The following LIPI variants were observed in gnomAD, a reference collection of about 807,000 sequenced individuals.
LIPI encodes lipase member I.
In LIPI, 59 loss-of-function variants were observed where a neutral mutation model predicts 50.6. That is an observed-to-expected ratio of 1.16 (90% CI 0.94 to 1.45). LIPI has a LOEUF of 1.45. Among genes scored for constraint, LIPI ranks in the 40% most tolerant of loss-of-function variants. LIPI has a pLI of 0.00. For synonymous variants in LIPI, 203 were observed against 178.2 expected (o/e 1.14, Z -1.11); for missense variants, 586 against 536.3 (o/e 1.09, Z -0.92).
At chr21:14,182,038 GAAT>G (rs2019291077) in intron 3 of LIPI, among the ~76,000 whole-genome samples, 179 bp from the exon 4 acceptor site, 1 of 152,158 alleles carries the variant, frequency 6.6e-6, no homozygotes, top group Admixed American at 6.6e-5. Context: ...TTCAGTATTT[GAAT>G]AATACTACTA....
At chr21:14,114,960 C>A (rs1360962285) in intron 9 of LIPI, among the ~76,000 whole-genome samples, 1 of 152,144 alleles carries the variant, frequency 6.6e-6, no homozygotes, top group Non-Finnish European at 1.5e-5. Flanking sequence ...TAGAAGATGG[C>A]AAAACAACAT....
At chr21:14,167,093 C>T (rs553000128) in intron 4 of LIPI, among the ~76,000 whole-genome samples, 397 of 152,288 alleles carry the variant, frequency 2.6e-3, no homozygotes, top group Middle Eastern at 0.01. Context: ...CCTACGCCCA[C>T]GGAGTCTCAC....
chr21:14,210,818 TCAAA>T lies in LIPI; in HGVS notation c.24_27del (p.Cys8Ter). On this transcript the variant is annotated frameshift_variant, in exon 1 of 10. Transcript: ENST00000681601. LOFTEE classifies it high-confidence loss of function. ...ATCTTACCAGATCTCACCCAGCACA[TCAAA>T]CAAAGAAAAATGTATACTCTCATTT... 8.2e-7 allele frequency: 1 copy of T among 1,225,324 alleles called. No homozygotes were observed. 75.9% of individuals were successfully genotyped at this position (1,225,324 alleles called of 1,614,324 possible).
At chr21:14,157,561 G>A (rs530318265) in intron 7 of LIPI, among the ~76,000 whole-genome samples, 1 of 151,922 alleles carries the variant, frequency 6.6e-6, no homozygotes, top group South Asian at 2.1e-4. Flanking sequence ...TGGACTAAAA[G>A]CAACAGAGTA....
intron 9 of LIPI, among the ~76,000 whole-genome samples, chr21:14,123,495 C>T (rs1387214185): frequency 1.3e-5 from 2 of 152,068 alleles, no homozygotes; most frequent in African/African-American, 2.4e-5. Flanking sequence ...CTCTTGCTCC[C>T]ACCAAAACAA....
intron 3 of LIPI, among the ~76,000 whole-genome samples, chr21:14,182,114 C>A (rs373515522): frequency 2.6e-5 from 4 of 152,196 alleles, no homozygotes; most frequent in East Asian, 3.9e-4. Context: ...GAGTATTTTT[C>A]TGTGAGACTG....
chr21:14,168,790 G>C (rs2018786527), intron 4 of LIPI, among the ~76,000 whole-genome samples: 1 of 152,158 alleles, frequency 6.6e-6, no homozygotes, highest in African/African-American at 2.4e-5. Context: ...ACTGAGGCTA[G>C]GAAGAAACTG....
chr21:14,189,206 C>T lies in LIPI; in HGVS notation c.260G>A (p.Gly87Asp), dbSNP rs1600920153. ...GTTCTGAAGCCATAATGGGATGGAGCCTACTGGTCTGTATCCGTGAATAAG... is the reference window on the plus strand; with the variant it reads ...GTTCTGAAGCCATAATGGGATGGAGTCTACTGGTCTGTATCCGTGAATAAG... ...VWLIHGYRPVGSIPLWLQNFV... is the reference protein window; with the variant it reads ...VWLIHGYRPVDSIPLWLQNFV... Residue 87 changes from glycine (G) to aspartate (D), a missense_variant, in exon 2 of 10, where the codon GGC becomes GAC. By Grantham distance (94) the Gly-to-Asp change is moderately conservative. Transcript: ENST00000681601. 1.2e-6 allele frequency: 2 copies of T among 1,613,856 alleles called. No individual in the cohort carries two copies. Among genetic ancestry groups the T allele is most frequent in the Admixed American group, 1.7e-5 (1 of 59,994 alleles).
intron 9 of LIPI, among the ~76,000 whole-genome samples, chr21:14,119,250 C>G (rs867173599): frequency 3.9e-5 from 6 of 152,178 alleles, no homozygotes. Flanking sequence ...ACCCATGTAT[C>G]TTACTGCCAT....
chr21:14,179,883 G>C (rs75440713), intron 4 of LIPI, among the ~76,000 whole-genome samples: 3 of 152,124 alleles, frequency 2.0e-5, no homozygotes, highest in African/African-American at 7.2e-5. Flanking sequence ...TAGGGAACAA[G>C]GGAAGACAAC....
At chr21:14,184,040 G>A (rs975493972) in intron 3 of LIPI, among the ~76,000 whole-genome samples, 7 of 152,064 alleles carry the variant, frequency 4.6e-5, no homozygotes, top group Non-Finnish European at 7.4e-5. Context: ...TGTTTATAGC[G>A]GCACTATTCA....
intron 9 of LIPI, among the ~76,000 whole-genome samples, chr21:14,130,587 C>T (rs2017254946): frequency 6.6e-6 from 1 of 152,170 alleles, no homozygotes. Flanking sequence ...CTGAGTGGAG[C>T]ACCGCCCTCT....
At position 14,108,926 on chromosome 21, in the gene LIPI, T is replaced by A. The variant is rs1024070919; in HGVS notation, c.*67A>T. On this transcript the variant is annotated 3_prime_UTR_variant, in exon 10 of 10. Transcript: ENST00000681601. ...AATTGAACAGTGCATTATAAAAGAC[T>A]GATTGCATTGTTTCATTTACAAGTC... The A allele has an allele frequency of 6.3e-7, 1 of 1,590,560 alleles. No individual in the cohort carries two copies. The highest frequency in any genetic ancestry group is 1.3e-5 in the African/African-American group (1 of 74,456).
chr21:14,137,290 CAAAA>C (rs996012495), intron 9 of LIPI, among the ~76,000 whole-genome samples: 13 of 151,892 alleles, frequency 8.6e-5, no homozygotes, highest in Admixed American at 5.2e-4. Context: ...ACCTTTTAGA[CAAAA>C]AATTCAAAAT....
chr21:14,127,934 A>G (rs2017130999), intron 9 of LIPI, among the ~76,000 whole-genome samples: 1 of 152,150 alleles, frequency 6.6e-6, no homozygotes, highest in Non-Finnish European at 1.5e-5. Context: ...GGAAAAATGA[A>G]GGATCCAATA....
At chr21:14,173,934 T>A (rs771179827) in intron 4 of LIPI, among the ~76,000 whole-genome samples, 2 of 152,178 alleles carry the variant, frequency 1.3e-5, no homozygotes, top group East Asian at 3.9e-4. Context: ...TAAAATCCCA[T>A]CATCTTCTTA....
intron 4 of LIPI, among the ~76,000 whole-genome samples, chr21:14,177,985 A>G (rs917597400): frequency 6.6e-6 from 1 of 152,122 alleles, no homozygotes; most frequent in Non-Finnish European, 1.5e-5. Context: ...TTGAGATACT[A>G]TCTTAGCAGT....
chr21:14,205,144 C>A (rs1003982104), intron 1 of LIPI, among the ~76,000 whole-genome samples: 2 of 151,528 alleles, frequency 1.3e-5, no homozygotes, highest in Admixed American at 1.3e-4. Flanking sequence ...TGCTTAGTCT[C>A]CTTAAAAAAT....
intron 7 of LIPI, among the ~76,000 whole-genome samples, chr21:14,154,616 G>A (rs2018212806): frequency 6.6e-6 from 1 of 151,984 alleles, no homozygotes; most frequent in Admixed American, 6.6e-5. Context: ...ATTGAAGATA[G>A]AAAAGAAGAA....
Sources: gnomAD v4.1 joint callset for allele counts (sites outside exome capture counted in the v4.1 genomes callset) on GRCh38, gnomAD v4.1.1 for gene constraint, MANE v1.5 for transcripts, NCBI Gene and HGNC (gene_info 2026-07-23, HGNC 2026-07-21) for gene names.